ADGRL2: variants seen among roughly 807,000 people sequenced by gnomAD.
ADGRL2 encodes calcium-independent alpha-latrotoxin receptor 2.
ADGRL2 carries 44 observed loss-of-function variants against 157.4 expected under a neutral mutation model. That is an observed-to-expected ratio of 0.28 (90% CI 0.22 to 0.36). The LOEUF is 0.36. Ranked by LOEUF, ADGRL2 falls within the 10% of genes least tolerant of loss-of-function variation. The pLI, the probability that ADGRL2 is intolerant of heterozygous loss-of-function variation, is 1.00. For missense variants in ADGRL2, 1,510 were observed against 1,768.9 expected (o/e 0.85, Z 2.63); for synonymous variants, 585 against 624.7 (o/e 0.94, Z 0.95).
chr1:81,983,940 G>A (rs1339569168), intron 19 of ADGRL2, among the ~76,000 whole-genome samples: 3 of 152,022 alleles, frequency 2.0e-5, no homozygotes, highest in Non-Finnish European at 2.9e-5. Flanking sequence ...CTAATGAAGT[G>A]AATAGACATC....
intron 1 of ADGRL2, among the ~76,000 whole-genome samples, chr1:81,380,504 A>C (rs534297263): frequency 6.6e-6 from 1 of 152,194 alleles, no homozygotes; most frequent in Non-Finnish European, 1.5e-5. Context: ...GATTTGTTAA[A>C]ATTTTATTTT....
chr1:81,608,493 T>A (rs1191168223), intron 3 of ADGRL2, among the ~76,000 whole-genome samples: 1 of 152,226 alleles, frequency 6.6e-6, no homozygotes, highest in Non-Finnish European at 1.5e-5. Context: ...CAAATAAGTT[T>A]GGGAAATATT....
At chr1:81,501,787 G>C (rs944210449) in intron 2 of ADGRL2, 219 of 1,593,490 alleles carry the variant, frequency 1.4e-4, no homozygotes, top group Non-Finnish European at 1.8e-4. Flanking sequence ...CACTTCAGCA[G>C]CAGCAGCAGC....
chr1:81,645,587 T>G (rs1229308759), intron 3 of ADGRL2, among the ~76,000 whole-genome samples: 2 of 152,070 alleles, frequency 1.3e-5, no homozygotes, highest in Admixed American at 6.6e-5. Flanking sequence ...TGAACATATA[T>G]AAGTATATAT....
intron 2 of ADGRL2, among the ~76,000 whole-genome samples, chr1:81,499,856 C>T (rs2078807552): frequency 6.6e-6 from 1 of 151,808 alleles, no homozygotes; most frequent in African/African-American, 2.4e-5. Context: ...TATAACAAAA[C>T]CAAGAGAATG....
chr1:81,687,380 T>C (rs1338813100), intron 3 of ADGRL2, among the ~76,000 whole-genome samples: 1 of 152,210 alleles, frequency 6.6e-6, no homozygotes, highest in African/African-American at 2.4e-5. Flanking sequence ...CAAGGCCTTT[T>C]AGCATTATAT....
intron 1 of ADGRL2, among the ~76,000 whole-genome samples, chr1:81,372,062 G>C (rs1360544194): frequency 6.6e-6 from 1 of 152,144 alleles, no homozygotes; most frequent in African/African-American, 2.4e-5. Flanking sequence ...ATGGCATAAA[G>C]ATCTTAGATA....
intron 1 of ADGRL2, among the ~76,000 whole-genome samples, chr1:81,737,734 A>T (rs977644234): frequency 5.3e-5 from 8 of 152,232 alleles, no homozygotes; most frequent in African/African-American, 1.9e-4. Context: ...CTGAATGTGC[A>T]AATAAAAGTT....
chr1:81,781,258 G>A (rs1430273551), intron 2 of ADGRL2, among the ~76,000 whole-genome samples: 1 of 152,098 alleles, frequency 6.6e-6, no homozygotes, highest in Non-Finnish European at 1.5e-5. Flanking sequence ...GTAGGTCAAT[G>A]TTTTCCCATC....
chr1:81,744,037 A>T (rs2085162258), intron 1 of ADGRL2, among the ~76,000 whole-genome samples: 2 of 152,118 alleles, frequency 1.3e-5, no homozygotes, highest in South Asian at 4.1e-4. Context: ...AAATGGTGGG[A>T]AGTGGGAAGC....
intron 3 of ADGRL2, among the ~76,000 whole-genome samples, chr1:81,673,159 T>A (rs2082909398): frequency 6.6e-6 from 1 of 152,214 alleles, no homozygotes; most frequent in Non-Finnish European, 1.5e-5. Flanking sequence ...TATCCATCAT[T>A]TAAAAATTCA....
chr1:81,792,068 G>T (rs1295537361), intron 2 of ADGRL2, among the ~76,000 whole-genome samples: 1 of 152,060 alleles, frequency 6.6e-6, no homozygotes, highest in Non-Finnish European at 1.5e-5. Flanking sequence ...TATTTCTCTG[G>T]GGAGGGAGTA....
chr1:81,780,857 T>C (rs1291933974), intron 2 of ADGRL2, among the ~76,000 whole-genome samples: 2 of 152,016 alleles, frequency 1.3e-5, no homozygotes, highest in Non-Finnish European at 2.9e-5. Context: ...GCAGGCTATG[T>C]CCCCCCACAG....
chr1:81,664,828 T>C (rs1482927486), intron 3 of ADGRL2, among the ~76,000 whole-genome samples: 1 of 152,202 alleles, frequency 6.6e-6, no homozygotes, highest in Non-Finnish European at 1.5e-5. Flanking sequence ...CTTATTTGGA[T>C]ATTATATATA....
chr1:81,336,988 GAGA>G (rs1661688329), intron 1 of ADGRL2, among the ~76,000 whole-genome samples: 1 of 152,158 alleles, frequency 6.6e-6, no homozygotes, highest in East Asian at 1.9e-4. Context: ...AAGGAAAGAA[GAGA>G]AGAAGGAGCT....
intron 2 of ADGRL2, among the ~76,000 whole-genome samples, chr1:81,518,229 C>G (rs1274322751): frequency 6.6e-6 from 1 of 152,216 alleles, no homozygotes; most frequent in African/African-American, 2.4e-5. Context: ...ATTAGATAAG[C>G]ACCTCAGAAA....
chr1:81,738,878 A>C (rs530672509), intron 1 of ADGRL2, among the ~76,000 whole-genome samples: 13 of 152,280 alleles, frequency 8.5e-5, no homozygotes, highest in Non-Finnish European at 1.6e-4. Flanking sequence ...TTCTACCTTC[A>C]CAACAATTAA....
intron 2 of ADGRL2, among the ~76,000 whole-genome samples, chr1:81,461,839 T>C (rs1249507621): frequency 7.3e-6 from 1 of 136,640 alleles, no homozygotes; most frequent in East Asian, 2.2e-4. Flanking sequence ...AGGCATGAAA[T>C]GAAACAAATT....
intron 17 of ADGRL2, 69 bp from the exon 18 acceptor site, chr1:81,979,800 C>A: frequency 1.1e-6 from 1 of 877,218 alleles, no homozygotes; most frequent in South Asian, 1.4e-5. Context: ...TGGATCGATA[C>A]ATTTGCAAGA....
Sources: gnomAD v4.1 joint callset for allele counts (sites outside exome capture counted in the v4.1 genomes callset) on GRCh38, gnomAD v4.1.1 for gene constraint, MANE v1.5 for transcripts, NCBI Gene and HGNC (gene_info 2026-07-23, HGNC 2026-07-21) for gene names.